Variants in TAFA4 observed in about 807,000 individuals in gnomAD.
TAFA4 encodes TAFA chemokine like family member 4, also known as chemokine-like protein TAFA-4.
A neutral mutation model predicts 21.1 loss-of-function variants in TAFA4; 20 were observed. The ratio of observed to expected loss-of-function variants is 0.95; its 90% CI spans 0.67 to 1.38. The LOEUF is 1.38. TAFA4 is among the 40% of genes most tolerant of loss of function. The pLI is 0.00. For missense variants in TAFA4, 211 were observed against 180.9 expected (o/e 1.17, Z -0.95); for synonymous variants, 71 against 67.4 (o/e 1.05, Z -0.26).
intron 3 of TAFA4, among the ~76,000 whole-genome samples, chr3:68,763,430 T>C (rs1226357271): frequency 6.6e-6 from 1 of 152,180 alleles, no homozygotes; most frequent in African/African-American, 2.4e-5. Flanking sequence ...CTAACTTTAA[T>C]ATATTTCAAG....
chr3:68,752,536 A>G (rs981226736), intron 4 of TAFA4, among the ~76,000 whole-genome samples: 27 of 152,294 alleles, frequency 1.8e-4, no homozygotes, highest in Admixed American at 9.2e-4. Flanking sequence ...TTGAGTAGAG[A>G]GCATAAGAGG....
chr3:68,909,668 A>G (rs1038820134), intron 1 of TAFA4, among the ~76,000 whole-genome samples: 1 of 152,240 alleles, frequency 6.6e-6, no homozygotes, highest in Non-Finnish European at 1.5e-5. Context: ...CAGATCTGCT[A>G]AAAGCCTTTT....
chr3:68,889,347 A>ATTTT (rs1435664413), intron 1 of TAFA4, among the ~76,000 whole-genome samples: 1 of 152,218 alleles, frequency 6.6e-6, no homozygotes, highest in Non-Finnish European at 1.5e-5. Flanking sequence ...CCCATTCTTC[A>ATTTT]AATGTTTAAT....
intron 3 of TAFA4, among the ~76,000 whole-genome samples, chr3:68,776,888 AAAT>A (rs1440607352): frequency 6.6e-6 from 1 of 152,156 alleles, no homozygotes; most frequent in Non-Finnish European, 1.5e-5. Context: ...ACAAATTACT[AAAT>A]AATCATCAAG....
intron 3 of TAFA4, among the ~76,000 whole-genome samples, chr3:68,836,148 A>T (rs1401037202): frequency 5.3e-5 from 8 of 152,152 alleles, no homozygotes; most frequent in African/African-American, 2.4e-5. Flanking sequence ...CGGGCCCCTT[A>T]TGTTTTCTGG....
At position 68,736,232 on chromosome 3, in the gene TAFA4, C is replaced by T. The variant is rs186240408; in HGVS notation, c.411+2843G>A. 3.8e-4 allele frequency among the ~76,000 whole-genome samples: 58 copies of T among 151,726 alleles called. No individual in the cohort carries two copies. In the East Asian group the frequency reaches 5.2e-3, roughly 14 times the overall value. ...GATAGTAAAAAACTCTTTAGCTCAC[C>T]GAATGCAGCAAAACCCAGATTTCAA... On this transcript the variant is annotated intron_variant, in intron 5 of 5. Transcript: ENST00000295569.
intron 3 of TAFA4, among the ~76,000 whole-genome samples, chr3:68,771,231 G>A (rs373011007): frequency 9.2e-5 from 14 of 152,304 alleles, no homozygotes; most frequent in Admixed American, 2.6e-4. Flanking sequence ...CAAGAACCCC[G>A]GGATACAGAA....
At chr3:68,776,116 A>C (rs936427967) in intron 3 of TAFA4, among the ~76,000 whole-genome samples, 1 of 152,132 alleles carries the variant, frequency 6.6e-6, no homozygotes, top group Non-Finnish European at 1.5e-5. Context: ...AGGGACATAA[A>C]AAGAGAGGCA....
chr3:68,899,755 G>A (rs953361294), intron 1 of TAFA4, among the ~76,000 whole-genome samples: 4 of 152,032 alleles, frequency 2.6e-5, no homozygotes, highest in African/African-American at 9.7e-5. Flanking sequence ...TTCCAAAGCA[G>A]AAAAACACAA....
intron 4 of TAFA4, among the ~76,000 whole-genome samples, chr3:68,746,048 G>A (rs1702450567): frequency 6.6e-6 from 1 of 152,148 alleles, no homozygotes; most frequent in African/African-American, 2.4e-5. Flanking sequence ...AGGCAGAGGA[G>A]CAGATCTTTC....
At chr3:68,808,672 C>T (rs892564993) in intron 3 of TAFA4, among the ~76,000 whole-genome samples, 1 of 152,178 alleles carries the variant, frequency 6.6e-6, no homozygotes, top group Non-Finnish European at 1.5e-5. Flanking sequence ...TTTCCACAAA[C>T]ACACACCCTT....
chr3:68,834,283 T>C (rs1704469579), intron 3 of TAFA4, among the ~76,000 whole-genome samples: 1 of 152,192 alleles, frequency 6.6e-6, no homozygotes, highest in Non-Finnish European at 1.5e-5. Flanking sequence ...CCATGCCTGG[T>C]AGAATGACCA....
intron 5 of TAFA4, among the ~76,000 whole-genome samples, chr3:68,734,526 G>C (rs1460725306): frequency 6.6e-6 from 1 of 152,116 alleles, no homozygotes; most frequent in Admixed American, 6.6e-5. Flanking sequence ...GTTCAAGGAA[G>C]AGATGAGGAA....
intron 3 of TAFA4, among the ~76,000 whole-genome samples, chr3:68,848,573 G>A (rs950190549): frequency 1.3e-5 from 2 of 152,108 alleles, no homozygotes; most frequent in African/African-American, 2.4e-5. Context: ...CACCTTGGTG[G>A]CAATGATACC....
At chr3:68,813,844 C>G (rs1385265288) in intron 3 of TAFA4, among the ~76,000 whole-genome samples, 3 of 152,126 alleles carry the variant, frequency 2.0e-5, no homozygotes, top group Non-Finnish European at 2.9e-5. Flanking sequence ...GATACCAAAG[C>G]CTGGCAGAGA....
intron 3 of TAFA4, among the ~76,000 whole-genome samples, chr3:68,769,617 G>C (rs756880646): frequency 6.6e-6 from 1 of 152,068 alleles, no homozygotes; most frequent in Non-Finnish European, 1.5e-5. Flanking sequence ...TGGTGGATAC[G>C]CTACCATACC....
At chr3:68,914,122 G>A (rs187311695) in intron 1 of TAFA4, among the ~76,000 whole-genome samples, 394 of 152,106 alleles carry the variant, frequency 2.6e-3, no homozygotes, top group Non-Finnish European at 4.5e-3. Flanking sequence ...AAACCTAGGT[G>A]AAAAAAATAG....
At chr3:68,764,718 C>T (rs918242233) in intron 3 of TAFA4, among the ~76,000 whole-genome samples, 1 of 152,096 alleles carries the variant, frequency 6.6e-6, no homozygotes, top group African/African-American at 2.4e-5. Context: ...TTTACTATTG[C>T]CTAGTGCTTG....
chr3:68,835,641 A>G (rs537594334), intron 3 of TAFA4, among the ~76,000 whole-genome samples: 1 of 152,384 alleles, frequency 6.6e-6, no homozygotes, highest in East Asian at 1.9e-4. Flanking sequence ...CAAAGCCCAG[A>G]TGCCATGTGG....
Sources: gnomAD v4.1 joint callset for allele counts (sites outside exome capture counted in the v4.1 genomes callset) on GRCh38, gnomAD v4.1.1 for gene constraint, MANE v1.5 for transcripts, NCBI Gene and HGNC (gene_info 2026-07-23, HGNC 2026-07-21) for gene names.